UBXN7: variants seen among roughly 807,000 people sequenced by gnomAD.
UBXN7 encodes UBX domain protein 7.
A neutral mutation model predicts 58.0 loss-of-function variants in UBXN7; 9 were observed. The ratio of observed to expected loss-of-function variants is 0.16; its 90% CI spans 0.09 to 0.27. The LOEUF is 0.27. Among genes scored for constraint, UBXN7 ranks in the 10% least tolerant of loss-of-function variants. The pLI is 1.00. For synonymous variants in UBXN7, 208 were observed against 205.0 expected (o/e 1.01, Z -0.12); for missense variants, 328 against 599.6 (o/e 0.55, Z 4.73).
chr3:196,369,459 C>T lies in UBXN7; in HGVS notation c.668G>A (p.Gly223Glu), dbSNP rs1416120886. ...GQRYIQFYKL[G>E]DFPYVSILDP... ...CAATATGGAAACATAGGGGAAATCC[C>T]CTAACTTATAAAACTGTATGTATCT... Residue 223 changes from glycine to glutamate, a missense_variant, in exon 7 of 11, where the codon GGG (glycine) becomes GAG (glutamate). Gly to Glu is a moderately conservative substitution (Grantham distance 98). Around this residue, in one of 4 missense-constraint regions of UBXN7, gnomAD observed 126 missense variants for 302.6 expected, o/e 0.42. Coordinates refer to ENST00000296328, the MANE Select transcript of UBXN7 (RefSeq NM_015562.2). The T allele has an allele frequency of 1.9e-6, 3 of 1,613,332 alleles. No homozygotes were observed. Among genetic ancestry groups the T allele is most frequent in the Admixed American group, 3.3e-5 (2 of 59,944 alleles).
chr3:196,367,512 T>C (rs1326172768), intron 8 of UBXN7, among the ~76,000 whole-genome samples: 2 of 152,162 alleles, frequency 1.3e-5, no homozygotes, highest in Non-Finnish European at 2.9e-5. Context: ...CATGTACCTG[T>C]AGTCCTAGCT....
chr3:196,414,613 A>G (rs1455481430), intron 1 of UBXN7: 1 of 152,124 alleles, frequency 6.6e-6, no homozygotes, highest in African/African-American at 2.4e-5. Context: ...CATGATTTGG[A>G]TAGTGGTTGG....
Position 196,391,807 on chromosome 3 carries a change from A to G in UBXN7, c.468+6T>C, listed in dbSNP as rs1390587667. The G allele has an allele frequency of 6.3e-7, 1 of 1,596,176 alleles. No homozygotes were observed. Among genetic ancestry groups the G allele is most frequent in the South Asian group, 1.1e-5 (1 of 87,706 alleles). On this transcript the variant is annotated splice_donor_region_variant and intron_variant, in intron 5 of 10. Coordinates refer to ENST00000296328, the MANE Select transcript of UBXN7 (RefSeq NM_015562.2). ...TAGTTAAGGCACTGACTCTCCAACA[A>G]CTTACTGTTTCAAAGCTGCCTTTAT...
At chr3:196,421,138 C>T (rs1052647403) in intron 1 of UBXN7, among the ~76,000 whole-genome samples, 3 of 152,074 alleles carry the variant, frequency 2.0e-5, no homozygotes, top group Non-Finnish European at 4.4e-5. Flanking sequence ...TAAATGCATA[C>T]CAGAAAAAAC....
intron 1 of UBXN7, among the ~76,000 whole-genome samples, chr3:196,426,294 G>C (rs1206418333): frequency 6.7e-6 from 1 of 150,098 alleles, no homozygotes. Context: ...GCTGAGGCAG[G>C]AGAATCACTT....
intron 7 of UBXN7, among the ~76,000 whole-genome samples, chr3:196,368,986 C>A (rs1158520454): frequency 6.6e-6 from 1 of 152,088 alleles, no homozygotes; most frequent in Non-Finnish European, 1.5e-5. Context: ...CCATGCCCGG[C>A]TAATTTTTTT....
At chr3:196,363,245 TAC>T (rs1728559515) in intron 8 of UBXN7, among the ~76,000 whole-genome samples, 10 of 67,818 alleles carry the variant, frequency 1.5e-4, no homozygotes, top group South Asian at 4.3e-4. Context: ...CATACATACA[TAC>T]ATAAATATAT....
At position 196,401,248 on chromosome 3, in the gene UBXN7, C is replaced by CAAAAAAA. The variant is rs35766312; in HGVS notation, c.289+1697_289+1703dup. Among the ~76,000 whole-genome samples the CAAAAAAA allele has an allele frequency of 9.7e-3, 22 of 2,270 alleles. 8 individuals are homozygous for CAAAAAAA. Among genetic ancestry groups the CAAAAAAA allele is most frequent in the Non-Finnish European group, 0.015 (18 of 1,180 alleles). 1.5% of individuals were successfully genotyped at this position (2,270 alleles called of 152,430 possible). On this transcript the variant is annotated intron_variant, in intron 3 of 10. Coordinates refer to ENST00000296328, the MANE Select transcript of UBXN7 (RefSeq NM_015562.2). ...CTAACATGGAGAAACCCCGTCTCTCCAAAAAAAAAAAAAAAAAAAAAAAAA... is the reference window on the plus strand; with the variant it reads ...CTAACATGGAGAAACCCCGTCTCTCCAAAAAAAAAAAAAAAAAAAAAAAAAAAAAAAA...
chr3:196,379,263 G>A (rs1183535718), intron 5 of UBXN7, among the ~76,000 whole-genome samples: 1 of 151,436 alleles, frequency 6.6e-6, no homozygotes, highest in Non-Finnish European at 1.5e-5. Flanking sequence ...GGGGATCTTA[G>A]CCAGCTTCTT....
At chr3:196,432,085 G>A (rs544800620) in intron 1 of UBXN7, 21 of 632,086 alleles carry the variant, frequency 3.3e-5, no homozygotes, top group Admixed American at 3.0e-4. Context: ...CTGGCGGGGG[G>A]TTGGGGGATC....
In UBXN7 at chr3:196,403,941, G is replaced by A. The variant is rs59344355; in HGVS notation, c.222-922C>T. 4.3e-3 allele frequency among the ~76,000 whole-genome samples: 648 copies of A among 152,148 alleles called. 5 individuals are homozygous for A. The highest frequency in any genetic ancestry group is 0.015 in the African/African-American group (605 of 41,522). On this transcript the variant is annotated intron_variant, in intron 2 of 10. Transcript: ENST00000296328. ...TTTAGATATACTGTAAAAATGGTGT[G>A]TGCCTTTAAAGATTAGTTTATTTTA...
At chr3:196,400,738 A>T in intron 3 of UBXN7, 1 of 382,512 alleles carries the variant, frequency 2.6e-6, no homozygotes, top group South Asian at 1.9e-5. Flanking sequence ...CATTTCTGCA[A>T]AACAAAAGAA....
rs758575490 is a variant in UBXN7 at position 196,362,347 on chromosome 3, A to G, written c.1175T>C (p.Leu392Pro). Reference protein sequence around the residue: ...QGLPAVDSEILEMPPEKADGV... With the variant: ...QGLPAVDSEIPEMPPEKADGV... The stretch of plus-strand genomic sequence containing the variant: ...ATCTGCTTTTTCAGGTGGCATCTCC[A>G]GTATCTCTGAATCCACAGCTGGCAA... The change falls in exon 9 of 11, where the codon CTG becomes CCG. Residue 392 changes from leucine (L) to proline (P), a missense_variant. Around this residue, in one of 4 missense-constraint regions of UBXN7, gnomAD observed 66 missense variants for 77.9 expected, o/e 0.85. Transcript: ENST00000296328. 1 of 1,613,822 alleles carries G rather than the reference A, an allele frequency of 6.2e-7. No individual in the cohort carries two copies. Among genetic ancestry groups the G allele is most frequent in the Non-Finnish European group, 8.5e-7 (1 of 1,179,882 alleles).
chr3:196,394,765 A>G (rs1475149492), intron 3 of UBXN7, among the ~76,000 whole-genome samples: 2 of 152,200 alleles, frequency 1.3e-5, no homozygotes, highest in East Asian at 3.8e-4. Flanking sequence ...TCTAAACCAT[A>G]AGACTTAAGG....
chr3:196,406,135 T>C (rs1730154768), intron 2 of UBXN7, among the ~76,000 whole-genome samples: 1 of 151,898 alleles, frequency 6.6e-6, no homozygotes, highest in Non-Finnish European at 1.5e-5. Flanking sequence ...CAGGCTCATG[T>C]GATCCTCCCA....
intron 10 of UBXN7, among the ~76,000 whole-genome samples, chr3:196,357,203 A>T (rs1047028075): frequency 2.0e-5 from 3 of 152,170 alleles, no homozygotes; most frequent in Non-Finnish European, 2.9e-5. Context: ...TATGTCCTTC[A>T]TTCTGCCTAC....
At chr3:196,402,031 A>G (rs535772418) in intron 3 of UBXN7, among the ~76,000 whole-genome samples, 205 of 152,080 alleles carry the variant, frequency 1.3e-3, no homozygotes, top group African/African-American at 4.8e-3. Context: ...GTATTTATTT[A>G]TTTATTTTGA....
At chr3:196,365,366 C>A (rs375965432) in intron 8 of UBXN7, among the ~76,000 whole-genome samples, 9 of 151,394 alleles carry the variant, frequency 5.9e-5, no homozygotes, top group East Asian at 5.8e-4. Context: ...ACAAAAAAAA[C>A]CCACCAAAAT....
Position 196,380,916 on chromosome 3 carries a change from C to T in UBXN7, c.469-8874G>A, listed in dbSNP as rs1729187127. On this transcript the variant is annotated intron_variant, in intron 5 of 10. Transcript: ENST00000296328. ...CAGAGATTGATCTGTGAGGTGGCAG[C>T]CTGGCTGAGGGAGGGGCGTCCGCCA... Among the ~76,000 whole-genome samples the T allele has an allele frequency of 1.3e-5, 2 of 152,240 alleles. 1 individual carries two copies. Among genetic ancestry groups the T allele is most frequent in the Admixed American group, 1.3e-4 (2 of 15,284 alleles).
Sources: allele counts gnomAD v4.1 joint callset (sites outside exome capture counted in the v4.1 genomes callset), GRCh38; gene constraint gnomAD v4.1.1; regional missense constraint gnomAD v4.1.1; transcripts MANE v1.5; gene names NCBI Gene and HGNC (gene_info 2026-07-23, HGNC 2026-07-21).